The following ZNF33A variants were observed in gnomAD, a reference collection of about 807,000 sequenced individuals.
ZNF33A encodes the protein zinc finger protein 33A, also known as brain my041 protein.
ZNF33A carries 9 observed loss-of-function variants against 15.9 expected under a neutral mutation model. The observed-to-expected ratio is 0.57, with a 90% CI of 0.34 to 0.99. ZNF33A has a LOEUF of 0.99. ZNF33A is among the 50% of genes least tolerant of loss of function. The pLI, the probability that ZNF33A is intolerant of heterozygous loss-of-function variation, is 0.02. For synonymous variants in ZNF33A, 294 were observed against 324.2 expected, an observed-to-expected ratio of 0.91 and a Z score of 1.00; for missense variants, 843 against 941.6, an observed-to-expected ratio of 0.90 and a Z score of 1.37.
chr10:38,064,247 C>T (rs1286510052), downstream of ZNF33A: 7 of 790,242 alleles, frequency 8.9e-6, no homozygotes, highest in Admixed American at 1.7e-4. Flanking sequence ...CCAACACTAG[C>T]ATGCTGTGGA....
downstream of ZNF33A, among the ~76,000 whole-genome samples, chr10:38,062,876 G>A (rs530951247): frequency 2.7e-4 from 41 of 151,636 alleles, no homozygotes; most frequent in Non-Finnish European, 4.4e-4. Flanking sequence ...GGTGGCAGGC[G>A]CCTGTAGTCC....
At chr10:38,010,608 A>G (rs766616129), upstream of ZNF33A, 4 of 1,144,554 alleles carry the variant, frequency 3.5e-6, no homozygotes, top group Non-Finnish European at 5.2e-6. Context: ...GTTTCCAGGT[A>G]GGGCGCCAAC....
chr10:38,031,752 C>T (rs896495836), intron 4 of ZNF33A, among the ~76,000 whole-genome samples: 1 of 151,958 alleles, frequency 6.6e-6, no homozygotes, highest in Non-Finnish European at 1.5e-5. Flanking sequence ...ATCATGAGGT[C>T]AGGAGATGGA....
Position 38,035,111 on chromosome 10 carries a change from C to CTTTT in ZNF33A, c.250+17746_250+17749dup, listed in dbSNP as rs71007683. ...TAACCATCCATCATCCATTTACTTT[C>CTTTT]TTTTTTTTTTTTTTTTTTTTTTTTG... is the stretch of plus-strand genomic sequence containing the variant. On this transcript the variant is annotated intron_variant, in intron 4 of 4. Transcript: ENST00000432900. Among the ~76,000 whole-genome samples, 824 of 85,778 alleles carry CTTTT rather than the reference C, an allele frequency of 9.6e-3. 12 individuals are homozygous for CTTTT. Among genetic ancestry groups the CTTTT allele is most frequent in the African/African-American group, 0.013 (267 of 20,096 alleles). The allele number at this position is 85,778 out of a possible 152,430, so 56.3% of individuals were successfully genotyped here.
At chr10:38,064,313 CT>C, downstream of ZNF33A, 4 of 556,762 alleles carry the variant, frequency 7.2e-6, no homozygotes, top group Non-Finnish European at 1.3e-5. Context: ...GACATTTCTA[CT>C]TCAAAGAGTT....
downstream of ZNF33A, among the ~76,000 whole-genome samples, chr10:38,061,249 C>A (rs1350398421): frequency 6.6e-6 from 1 of 152,128 alleles, no homozygotes; most frequent in Non-Finnish European, 1.5e-5. Context: ...CCTAACAAGG[C>A]ATTCAGGAAG....
At chr10:38,045,366 G>A (rs965068157) in intron 4 of ZNF33A, among the ~76,000 whole-genome samples, 1 of 152,138 alleles carries the variant, frequency 6.6e-6, no homozygotes, top group African/African-American at 2.4e-5. Flanking sequence ...TAGCCTGTCT[G>A]CCTCTGTTGC....
At chr10:38,016,356 A>G (rs532869585) in intron 2 of ZNF33A, among the ~76,000 whole-genome samples, 4 of 152,292 alleles carry the variant, frequency 2.6e-5, no homozygotes, top group African/African-American at 9.6e-5. Context: ...TTTTTTCTCA[A>G]GACAGCACCA....
chr10:38,067,173 TC>T (rs2066716242), downstream of ZNF33A, among the ~76,000 whole-genome samples: 1 of 152,276 alleles, frequency 6.6e-6, no homozygotes, highest in Admixed American at 6.5e-5. Context: ...CAATTTCACT[TC>T]CTTCCCCCAT....
chr10:38,052,598 G>A (rs573033757), intron 4 of ZNF33A, among the ~76,000 whole-genome samples: 18 of 152,174 alleles, frequency 1.2e-4, no homozygotes, highest in African/African-American at 3.6e-4. Flanking sequence ...AATTGAGTAC[G>A]TAATTCTAAA....
intron 4 of ZNF33A, among the ~76,000 whole-genome samples, chr10:38,048,326 T>TA (rs1394628440): frequency 6.6e-6 from 1 of 152,194 alleles, no homozygotes; most frequent in Admixed American, 6.5e-5. Flanking sequence ...TTATAACATT[T>TA]AAAATATATG....
chr10:38,039,173 C>A (rs1287489105), intron 4 of ZNF33A, among the ~76,000 whole-genome samples: 2 of 118,474 alleles, frequency 1.7e-5, no homozygotes, highest in African/African-American at 6.5e-5. Flanking sequence ...TCCAGTGAAC[C>A]CTTATGGACC....
chr10:38,044,402 G>T (rs1314876046), intron 4 of ZNF33A, among the ~76,000 whole-genome samples: 2 of 151,594 alleles, frequency 1.3e-5, no homozygotes, highest in Admixed American at 6.6e-5. Flanking sequence ...TAGAGACGGG[G>T]TTTCACCACA....
intron 4 of ZNF33A, among the ~76,000 whole-genome samples, chr10:38,042,503 C>CTTTTTTTTTTTTTTTTTGTTTTTTTTTT (rs34942508): frequency 7.4e-6 from 1 of 135,520 alleles, no homozygotes; most frequent in Non-Finnish European, 1.6e-5. Flanking sequence ...TTGCTTTATT[C>CTTTTTTTTTTTTTTTTTGTTTTTTTTTT]TTTTTTTTTT....
chr10:38,010,850 G>A, intron 1 of ZNF33A, 67 bp downstream of exon 1: 1 of 1,586,512 alleles, frequency 6.3e-7, no homozygotes, highest in South Asian at 1.1e-5. Context: ...CGGGCGGCAG[G>A]GGGCCGGTAC....
Position 38,010,795 on chromosome 10 carries a change from T to G in ZNF33A, c.-45+12T>G. The G allele has an allele frequency of 6.3e-7, 1 of 1,597,602 alleles. No individual in the cohort carries two copies. The highest frequency in any genetic ancestry group is 1.7e-4 in the Middle Eastern group (1 of 6,060). The stretch of plus-strand genomic sequence containing the variant: ...GACGAGGGAGTGGGGTAAGCCCCAG[T>G]GGGTTGGGCAGGGAGAGAGAGGGAG... On this transcript the variant is annotated intron_variant, in intron 1 of 4. Coordinates refer to ENST00000432900, the MANE Select transcript of ZNF33A (RefSeq NM_006954.2).
In ZNF33A at chr10:38,057,136, G is replaced by A. The variant is rs867407710; in HGVS notation, c.*576G>A. The A allele has an allele frequency of 1.4e-5, 11 of 767,980 alleles. No individual in the cohort carries two copies. In the South Asian group the frequency reaches 2.3e-4, roughly 16 times the overall value. 47.6% of individuals were successfully genotyped at this position (767,980 alleles called of 1,614,324 possible). A position where few individuals can be genotyped will look rare whatever the true frequency, so the allele number is the denominator to read the frequency against. On this transcript the variant is annotated 3_prime_UTR_variant, in exon 5 of 5. Transcript: ENST00000432900. ...TCTGTGTGTGTGTGTACGTGTATGT[G>A]TGTGTGTGTGGTTATATCAAACTTT...
intron 4 of ZNF33A, among the ~76,000 whole-genome samples, chr10:38,044,953 C>A (rs528600107): frequency 6.6e-6 from 1 of 152,318 alleles, no homozygotes; most frequent in South Asian, 2.1e-4. Context: ...CAGGCGTGAG[C>A]CACCGTGTCT....
intron 1 of ZNF33A, among the ~76,000 whole-genome samples, chr10:38,011,145 C>T (rs1156939655): frequency 3.3e-5 from 5 of 152,218 alleles, no homozygotes; most frequent in African/African-American, 4.8e-5. Context: ...TGCAGTCGCC[C>T]GCCAGACCGG....
Sources: allele counts gnomAD v4.1 joint callset (sites outside exome capture counted in the v4.1 genomes callset), GRCh38; gene constraint gnomAD v4.1.1; transcripts MANE v1.5; gene names NCBI Gene and HGNC (gene_info 2026-07-23, HGNC 2026-07-21).